Variants in PTPRN2 observed in about 807,000 individuals in gnomAD.
PTPRN2 encodes receptor-type tyrosine-protein phosphatase N2.
In PTPRN2, 74 loss-of-function variants were observed where a neutral mutation model predicts 118.8. That is an observed-to-expected ratio of 0.62 (90% CI 0.52 to 0.76). The LOEUF (loss-of-function observed/expected upper bound fraction) is 0.76, where lower values mean the gene tolerates loss of function less well. PTPRN2 is among the 30% of genes least tolerant of loss of function. The pLI, the probability that PTPRN2 is intolerant of heterozygous loss-of-function variation, is 0.00. For missense variants in PTPRN2, 1,481 were observed against 1,394.4 expected (o/e 1.06, Z -0.99); for synonymous variants, 641 against 608.0 (o/e 1.05, Z -0.80).
Position 158,273,651 on chromosome 7 carries a change from GA to G in PTPRN2, c.277+43167del, listed in dbSNP as rs1563073177. On this transcript the variant is annotated intron_variant, in intron 3 of 22. Transcript: ENST00000389418. ...ATGGGGGAGCCGCAGACAGACATGG[GA>G]GGAGCCGCAGACACGGGAGGAGCCG... Among the ~76,000 whole-genome samples, 8 of 73,162 alleles carry G rather than the reference GA, an allele frequency of 1.1e-4. 2 individuals carry two copies. The highest frequency in any genetic ancestry group is 5.2e-4 in the Admixed American group (4 of 7,742). 48.0% of individuals were successfully genotyped at this position (73,162 alleles called of 152,430 possible). A position where few individuals can be genotyped will look rare whatever the true frequency, so the allele number is the denominator to read the frequency against.
At chr7:157,736,490 TG>T (rs989059676) in intron 12 of PTPRN2, among the ~76,000 whole-genome samples, 29 of 152,176 alleles carry the variant, frequency 1.9e-4, no homozygotes, top group Admixed American at 6.5e-4. Flanking sequence ...TGTGAGGACA[TG>T]GGGAGAAGAT....
chr7:157,571,577 G>T, intron 19 of PTPRN2, 84 bp from the exon 20 acceptor site: 2 of 1,021,064 alleles, frequency 2.0e-6, no homozygotes, highest in South Asian at 1.5e-5. Context: ...AAAGCGCAAG[G>T]TCTGTGTGTT....
At chr7:157,923,138 C>A (rs1164717161) in intron 11 of PTPRN2, among the ~76,000 whole-genome samples, 1 of 152,224 alleles carries the variant, frequency 6.6e-6, no homozygotes, top group Non-Finnish European at 1.5e-5. Flanking sequence ...GGTTTTTTAT[C>A]TTTATCCCAA....
chr7:157,933,289 ACT>A (rs1217180510), intron 11 of PTPRN2, among the ~76,000 whole-genome samples: 1 of 127,198 alleles, frequency 7.9e-6, no homozygotes, highest in East Asian at 2.4e-4. Context: ...GGGGTGAGTC[ACT>A]CTGATTGACA....
intron 2 of PTPRN2, among the ~76,000 whole-genome samples, chr7:158,340,759 C>A (rs1397759316): frequency 1.2e-5 from 1 of 85,466 alleles, no homozygotes; most frequent in Non-Finnish European, 2.4e-5. Context: ...ACGTCACACA[C>A]ACCCACACTC....
At chr7:158,132,576 T>C (rs559059862) in intron 9 of PTPRN2, among the ~76,000 whole-genome samples, 1 of 124,850 alleles carries the variant, frequency 8.0e-6, no homozygotes, top group South Asian at 2.9e-4. Context: ...CCAACACTCA[T>C]ATAGACACAT....
At chr7:157,847,597 C>T (rs1808940653) in intron 12 of PTPRN2, among the ~76,000 whole-genome samples, 3 of 147,356 alleles carry the variant, frequency 2.0e-5, no homozygotes, top group Non-Finnish European at 3.0e-5. Context: ...CATGCGTGCC[C>T]GATGTCTACA....
intron 12 of PTPRN2, among the ~76,000 whole-genome samples, chr7:157,812,901 C>T (rs1052245366): frequency 9.2e-5 from 14 of 152,212 alleles, no homozygotes; most frequent in Middle Eastern, 3.4e-3. Context: ...GGAAAACTCG[C>T]CCTCCTTCCA....
At chr7:157,976,666 G>A (rs952904400) in intron 11 of PTPRN2, among the ~76,000 whole-genome samples, 3 of 151,794 alleles carry the variant, frequency 2.0e-5, no homozygotes, top group Admixed American at 1.3e-4. Context: ...AGCGTCTGCC[G>A]ACCATGCTTG....
chr7:157,677,646 A>G (rs78661753), intron 13 of PTPRN2, among the ~76,000 whole-genome samples: 2,762 of 152,294 alleles, frequency 0.018, 130 homozygotes, highest in East Asian at 0.13. Flanking sequence ...GCCTGCAGAA[A>G]CCAAGCCGGC....
intron 12 of PTPRN2, among the ~76,000 whole-genome samples, chr7:157,789,828 TTGTG>T (rs1052340905): frequency 6.9e-6 from 1 of 145,074 alleles, no homozygotes; most frequent in African/African-American, 2.6e-5. Context: ...TGTGGTATGT[TTGTG>T]TGTGTAGTAT....
At chr7:157,989,346 G>A (rs891507830) in intron 11 of PTPRN2, among the ~76,000 whole-genome samples, 5 of 152,204 alleles carry the variant, frequency 3.3e-5, no homozygotes, top group African/African-American at 9.6e-5. Flanking sequence ...CTGAGCCCAG[G>A]AGGTCTAAGC....
At chr7:157,890,689 G>A (rs867914918) in intron 12 of PTPRN2, among the ~76,000 whole-genome samples, 14 of 152,142 alleles carry the variant, frequency 9.2e-5, no homozygotes, top group Non-Finnish European at 2.1e-4. Context: ...GATGTGATTG[G>A]AACATCTACG....
intron 3 of PTPRN2, among the ~76,000 whole-genome samples, chr7:158,257,336 C>T (rs569200999): frequency 2.2e-4 from 34 of 152,274 alleles, no homozygotes; most frequent in African/African-American, 7.9e-4. Context: ...TACACAGGAA[C>T]CAAATGTTCA....
chr7:157,969,268 C>T (rs1802152770), intron 11 of PTPRN2, among the ~76,000 whole-genome samples: 1 of 152,138 alleles, frequency 6.6e-6, no homozygotes. Context: ...TACCACCATG[C>T]CCAGCTTATT....
At chr7:158,340,107 T>TCTCACCATAAGAGCTGATGCC (rs1322312546) in intron 2 of PTPRN2, among the ~76,000 whole-genome samples, 1 of 69,490 alleles carries the variant, frequency 1.4e-5, no homozygotes, top group African/African-American at 5.1e-5. Flanking sequence ...ACACCCACAC[T>TCTCACCATAAGAGCTGATGCC]CGCACCATAA....
chr7:158,273,783 A>T (rs1412039789), intron 3 of PTPRN2, among the ~76,000 whole-genome samples: 1 of 119,106 alleles, frequency 8.4e-6, no homozygotes, highest in Non-Finnish European at 1.7e-5. Flanking sequence ...GAGGAGCCGC[A>T]GACACGGGGA....
chr7:157,893,237 C>T lies in PTPRN2; in HGVS notation c.1788+5436G>A, dbSNP rs187785920. Among the ~76,000 whole-genome samples the T allele has an allele frequency of 3.9e-5, 6 of 152,294 alleles. No homozygotes were observed. The highest frequency in any genetic ancestry group is 9.6e-5 in the African/African-American group (4 of 41,570). On this transcript the variant is annotated intron_variant, in intron 12 of 22. Transcript: ENST00000389418. This position sits in a 1 kb window ranked among gnomAD's most constrained non-coding sequence, Gnocchi z 4.0. ...TGGTAATTTTCTGTCCCAGGGATGA[C>T]GGAGCCTCTGCCCCTGGGAATGGCA...
chr7:158,331,033 C>A (rs1156390568), intron 2 of PTPRN2, among the ~76,000 whole-genome samples: 1 of 145,560 alleles, frequency 6.9e-6, no homozygotes, highest in Admixed American at 6.9e-5. Flanking sequence ...ACACTCTCAC[C>A]ATAAGAGGTG....
Sources: gnomAD v4.1 joint callset for allele counts (sites outside exome capture counted in the v4.1 genomes callset) on GRCh38, gnomAD v4.1.1 for gene constraint, Gnocchi (gnomAD v3.1) non-coding constraint, MANE v1.5 for transcripts, NCBI Gene and HGNC (gene_info 2026-07-23, HGNC 2026-07-21) for gene names.